Variants in N4BP2L2 observed in about 807,000 individuals in gnomAD.
N4BP2L2 encodes NEDD4-binding protein 2-like 2.
N4BP2L2 carries 50 observed loss-of-function variants against 56.2 expected under a neutral mutation model. That is an observed-to-expected ratio of 0.89 (90% CI 0.71 to 1.13). The LOEUF is 1.13. Among genes scored for constraint, N4BP2L2 ranks in the 50% most tolerant of loss-of-function variants. The probability of loss-of-function intolerance (pLI) is 0.00; values close to 1 mark genes in which losing one functional copy is unlikely to be tolerated. For synonymous variants in N4BP2L2, 203 were observed against 223.6 expected, an observed-to-expected ratio of 0.91 and a Z score of 0.82; for missense variants, 689 against 693.8, an observed-to-expected ratio of 0.99 and a Z score of 0.08.
At chr13:32,463,500 C>T (rs1333763365) in intron 6 of N4BP2L2, among the ~76,000 whole-genome samples, 1 of 151,676 alleles carries the variant, frequency 6.6e-6, no homozygotes, top group Non-Finnish European at 1.5e-5. Flanking sequence ...CCCATCTCTA[C>T]TAAAAATACA....
exon 7 of N4BP2L2, chr13:32,443,566 CTCT>C: frequency 6.2e-7 from 1 of 1,611,332 alleles, no homozygotes. Context: ...TACTATTTCT[CTCT>C]TCTTCATAAA....
intron 6 of N4BP2L2, chr13:32,490,252 T>C (rs2086761877): frequency 6.6e-6 from 1 of 152,236 alleles, no homozygotes; most frequent in Admixed American, 6.5e-5. Context: ...TGCCGTTGAA[T>C]GAATAATTTT....
At chr13:32,454,275 G>A (rs151120310) in intron 6 of N4BP2L2, among the ~76,000 whole-genome samples, 192 of 152,338 alleles carry the variant, frequency 1.3e-3, no homozygotes, top group African/African-American at 4.2e-3. Flanking sequence ...TGTTCCAGAT[G>A]TTTAAGGAAA....
chr13:32,453,338 G>GA (rs895439357), intron 6 of N4BP2L2, among the ~76,000 whole-genome samples: 4 of 152,018 alleles, frequency 2.6e-5, no homozygotes, highest in African/African-American at 4.8e-5. Flanking sequence ...CTTCACAACA[G>GA]AAGTGACTAA....
chr13:32,441,925 A>G (rs900550363), intron 7 of N4BP2L2, among the ~76,000 whole-genome samples: 21 of 149,880 alleles, frequency 1.4e-4, no homozygotes, highest in Non-Finnish European at 4.4e-5. Flanking sequence ...ATAAATAAAT[A>G]AATAGCCGGG....
At chr13:32,530,889 TAA>T (rs3075024) in intron 2 of N4BP2L2, among the ~76,000 whole-genome samples, 8,238 of 130,340 alleles carry the variant, frequency 0.063, 788 homozygotes, top group African/African-American at 0.22. Flanking sequence ...CGGAGATTAC[TAA>T]AAAAAAAAAA....
chr13:32,466,504 T>C (rs185731883), intron 6 of N4BP2L2, among the ~76,000 whole-genome samples: 2 of 152,026 alleles, frequency 1.3e-5, no homozygotes, highest in East Asian at 1.9e-4. Context: ...GAGGTGTAGG[T>C]TGCAGTGAGC....
chr13:32,490,614 G>GT, intron 6 of N4BP2L2, among the ~76,000 whole-genome samples: 1 of 152,258 alleles, frequency 6.6e-6, no homozygotes, highest in East Asian at 1.9e-4. Context: ...CGAAGCTATT[G>GT]TTTTTATCTG....
At chr13:32,443,921 G>T in exon 7 of N4BP2L2, 1 of 1,585,948 alleles carries the variant, frequency 6.3e-7, no homozygotes, top group Non-Finnish European at 8.6e-7. Context: ...TCAATGAAGG[G>T]ATATTCTGAT....
intron 6 of N4BP2L2, among the ~76,000 whole-genome samples, chr13:32,466,892 T>C (rs1384995034): frequency 6.6e-6 from 1 of 152,110 alleles, no homozygotes; most frequent in Non-Finnish European, 1.5e-5. Context: ...GAAAAGGGAG[T>C]CTTCCCTAAG....
At chr13:32,442,708 G>C (rs762763202) in exon 7 of N4BP2L2, 1 of 1,613,506 alleles carries the variant, frequency 6.2e-7, no homozygotes, top group South Asian at 1.1e-5. Flanking sequence ...GTTTGTAAAA[G>C]ATGGCTTCCA....
At chr13:32,462,861 TAAAAAAA>T (rs569068082) in intron 6 of N4BP2L2, among the ~76,000 whole-genome samples, 1 of 51,092 alleles carries the variant, frequency 2.0e-5, no homozygotes, top group African/African-American at 6.1e-5. Context: ...CTGTCTTTAC[TAAAAAAA>T]AAAAAAAAAA....
chr13:32,484,544 C>T (rs993339110), intron 6 of N4BP2L2, among the ~76,000 whole-genome samples: 1 of 151,794 alleles, frequency 6.6e-6, no homozygotes, highest in Non-Finnish European at 1.5e-5. Flanking sequence ...AGTGCAATGA[C>T]GTGATCTCGG....
intron 6 of N4BP2L2, among the ~76,000 whole-genome samples, chr13:32,471,420 T>G (rs1410546866): frequency 6.6e-6 from 1 of 152,204 alleles, no homozygotes; most frequent in Non-Finnish European, 1.5e-5. Context: ...AACCTGTTTG[T>G]GTAAGCTCAT....
chr13:32,497,333 G>A (rs558783249), intron 6 of N4BP2L2, among the ~76,000 whole-genome samples: 42 of 152,310 alleles, frequency 2.8e-4, no homozygotes, highest in Non-Finnish European at 4.7e-4. Flanking sequence ...GGATAAACCA[G>A]TCTACTCATC....
At chr13:32,523,820 G>A (rs2051811021) in intron 3 of N4BP2L2, 1 of 152,210 alleles carries the variant, frequency 6.6e-6, no homozygotes. Context: ...GGAAAGGGTG[G>A]GAAGGGAGTG....
Position 32,537,040 on chromosome 13 carries a change from T to C in N4BP2L2, c.1-13A>G. Reference sequence around the variant, plus strand: ...CACCATAAGACATCTGAGAAATAAATAAATCATACAATTACTAGCTAATAT... The same window carrying C: ...CACCATAAGACATCTGAGAAATAAACAAATCATACAATTACTAGCTAATAT... On this transcript the variant is annotated splice_polypyrimidine_tract_variant and intron_variant, in intron 1 of 5. Transcript: ENST00000267068. 1 of 1,472,460 alleles carries C rather than the reference T, an allele frequency of 6.8e-7. No homozygotes were observed. The highest frequency in any genetic ancestry group is 9.1e-7 in the Non-Finnish European group (1 of 1,103,056). 91.2% of individuals were successfully genotyped at this position (1,472,460 alleles called of 1,614,324 possible).
At chr13:32,519,288 AC>A (rs1160000626) in intron 5 of N4BP2L2, among the ~76,000 whole-genome samples, 2 of 151,360 alleles carry the variant, frequency 1.3e-5, no homozygotes, top group Non-Finnish European at 2.9e-5. Flanking sequence ...GGTGGTGCAC[AC>A]TTGTAGTCCC....
chr13:32,435,076 A>G (rs1310335981), intron 9 of N4BP2L2, among the ~76,000 whole-genome samples: 6 of 152,098 alleles, frequency 3.9e-5, no homozygotes, highest in Non-Finnish European at 8.8e-5. Flanking sequence ...ACTATAATCT[A>G]ACTTCAGTCA....
Sources: allele counts gnomAD v4.1 joint callset (sites outside exome capture counted in the v4.1 genomes callset), GRCh38; gene constraint gnomAD v4.1.1; transcripts MANE v1.5; gene names NCBI Gene and HGNC (gene_info 2026-07-23, HGNC 2026-07-21).